PNPLA1: variants seen among roughly 807,000 people sequenced by gnomAD.
The protein encoded by PNPLA1 is omega-hydroxyceramide transacylase.
Under a neutral mutation model 51.7 loss-of-function variants are expected in PNPLA1, and 36 were observed. That is an observed-to-expected ratio of 0.70 (90% CI 0.53 to 0.92). PNPLA1 has a LOEUF of 0.92. Ranked by LOEUF, PNPLA1 falls within the 40% of genes least tolerant of loss-of-function variation. PNPLA1 has a pLI of 0.00. For synonymous variants in PNPLA1, 293 were observed against 280.1 expected (o/e 1.05, Z -0.46); for missense variants, 658 against 682.5 (o/e 0.96, Z 0.40).
At chr6:36,259,080 A>G (rs148650107) in intron 1 of PNPLA1, among the ~76,000 whole-genome samples, 2,052 of 152,214 alleles carry the variant, frequency 0.013, 41 homozygotes, top group African/African-American at 0.045. Context: ...TGTGTTGTGA[A>G]CCACAGCAAT....
chr6:36,252,367 C>G (rs1336397407), intron 1 of PNPLA1, among the ~76,000 whole-genome samples: 1 of 152,100 alleles, frequency 6.6e-6, no homozygotes, highest in East Asian at 1.9e-4. Context: ...CTAACAGAGA[C>G]AGCATGGATT....
rs536498756 is a variant in PNPLA1 at position 36,312,396 on chromosome 6, C to A, written c.*510C>A. Among the ~76,000 whole-genome samples, 1 of 152,202 alleles carries A rather than the reference C, an allele frequency of 6.6e-6. No individual in the cohort carries two copies. The highest frequency in any genetic ancestry group is 1.9e-4 in the East Asian group (1 of 5,198). On this transcript the variant is annotated 3_prime_UTR_variant, in exon 9 of 9. Transcript: ENST00000636260. ...AAAGACCCCTGTGTAATGAAATGAA[C>A]CCCCTAACTGGCTTTTGGTGTAGCT...
At chr6:36,274,921 A>G (rs187996456) in intron 1 of PNPLA1, among the ~76,000 whole-genome samples, 1 of 152,046 alleles carries the variant, frequency 6.6e-6, no homozygotes, top group Admixed American at 6.5e-5. Context: ...TGTTCTTTAT[A>G]TATTCTGTAC....
At chr6:36,271,996 G>A (rs1024774805) in intron 1 of PNPLA1, among the ~76,000 whole-genome samples, 2 of 152,174 alleles carry the variant, frequency 1.3e-5, no homozygotes, top group African/African-American at 2.4e-5. Context: ...TTACAGCAGC[G>A]GTCTCCAGTT....
Position 36,270,401 on chromosome 6 carries a change from C to A in PNPLA1, c.-59C>A. 1.3e-6 allele frequency: 2 copies of A among 1,520,832 alleles called. No homozygotes were observed. Among genetic ancestry groups the A allele is most frequent in the Non-Finnish European group, 8.9e-7 (1 of 1,121,452 alleles). The allele number at this position is 1,520,832 out of a possible 1,614,324, so 94.2% of individuals were successfully genotyped here. A position where few individuals can be genotyped will look rare whatever the true frequency, so the allele number is the denominator to read the frequency against. On this transcript the variant is annotated 5_prime_UTR_variant, in exon 1 of 9. Transcript: ENST00000636260. ...CCTACAGGGAGCGGCAGCCCAGGCT[C>A]GGGCAGGCAAGTGCTGAAGGGTGGC...
At chr6:36,310,343 G>T (rs144177669) in intron 8 of PNPLA1, among the ~76,000 whole-genome samples, 5 of 152,232 alleles carry the variant, frequency 3.3e-5, no homozygotes, top group African/African-American at 1.2e-4. Flanking sequence ...CTCCAGTAAG[G>T]GTTCCGTGGT....
chr6:36,253,072 C>T (rs1193200318), intron 1 of PNPLA1, among the ~76,000 whole-genome samples: 4 of 152,004 alleles, frequency 2.6e-5, no homozygotes, highest in South Asian at 2.1e-4. Flanking sequence ...CCCAGCTACT[C>T]GGGAGGCTGA....
At chr6:36,272,516 G>T (rs965500733) in intron 1 of PNPLA1, among the ~76,000 whole-genome samples, 13 of 152,214 alleles carry the variant, frequency 8.5e-5, no homozygotes, top group African/African-American at 3.1e-4. Context: ...AGGATTGGCT[G>T]AGCTAATATG....
chr6:36,267,842 A>C (rs1318519900), upstream of PNPLA1, among the ~76,000 whole-genome samples: 1 of 151,762 alleles, frequency 6.6e-6, no homozygotes, highest in Non-Finnish European at 1.5e-5. Context: ...TCTTAAAGTA[A>C]AATCATCCTC....
intron 5 of PNPLA1, among the ~76,000 whole-genome samples, chr6:36,301,114 G>GCCCCCCCCCCCCCCCCCCC (rs71540149): frequency 1.0e-5 from 1 of 99,922 alleles, no homozygotes; most frequent in Non-Finnish European, 1.9e-5. Context: ...CCATCCCCCC[G>GCCCCCCCCCCCCCCCCCCC]CCCCCCCACC....
intron 1 of PNPLA1, among the ~76,000 whole-genome samples, chr6:36,259,744 G>C (rs1346916755): frequency 6.6e-6 from 1 of 152,134 alleles, no homozygotes; most frequent in Admixed American, 6.6e-5. Context: ...CAGAAAACCA[G>C]ATACCGCATG....
intron 1 of PNPLA1, among the ~76,000 whole-genome samples, chr6:36,273,773 A>AT (rs1289129393): frequency 5.4e-5 from 8 of 149,102 alleles, no homozygotes; most frequent in South Asian, 4.3e-4. Context: ...GAAAGAAAAG[A>AT]TTTTTCAGAC....
At chr6:36,307,541 C>G in intron 7 of PNPLA1, 46 bp from the exon 8 acceptor site, 2 of 1,597,950 alleles carry the variant, frequency 1.3e-6, no homozygotes, top group Non-Finnish European at 1.7e-6. Flanking sequence ...GTTGGAGGAC[C>G]GAGGTCAGGC....
intron 1 of PNPLA1, among the ~76,000 whole-genome samples, chr6:36,248,826 C>T (rs993159756): frequency 6.6e-6 from 1 of 152,100 alleles, no homozygotes; most frequent in Non-Finnish European, 1.5e-5. Flanking sequence ...GCCAACTTTT[C>T]AATTTAAGCA....
At chr6:36,267,551 G>A (rs982314129), upstream of PNPLA1, among the ~76,000 whole-genome samples, 1 of 152,168 alleles carries the variant, frequency 6.6e-6, no homozygotes, top group African/African-American at 2.4e-5. Context: ...GACAACGGGG[G>A]CCATGTCAGG....
intron 8 of PNPLA1, among the ~76,000 whole-genome samples, chr6:36,309,184 T>C (rs1187174221): frequency 2.0e-5 from 3 of 152,100 alleles, no homozygotes; most frequent in African/African-American, 4.8e-5. Context: ...GGAAGCAGTA[T>C]GGTAGCGGAG....
intron 1 of PNPLA1, among the ~76,000 whole-genome samples, chr6:36,283,123 A>G (rs1428891093): frequency 1.3e-5 from 2 of 152,192 alleles, no homozygotes; most frequent in African/African-American, 4.8e-5. Flanking sequence ...TTACATAACC[A>G]TGGTCCATTT....
intron 6 of PNPLA1, among the ~76,000 whole-genome samples, chr6:36,303,307 A>G (rs906724429): frequency 6.6e-6 from 1 of 152,104 alleles, no homozygotes; most frequent in African/African-American, 2.4e-5. Flanking sequence ...GTTAGCCAGG[A>G]TGGTCTCAAT....
chr6:36,302,386 C>A lies in PNPLA1; in HGVS notation c.1301C>A (p.Ala434Glu), dbSNP rs760530088. 40 of 1,596,432 alleles carry A rather than the reference C, an allele frequency of 2.5e-5. No individual in the cohort carries two copies. The Admixed American group carries it at 5.6e-4, about 22-fold the overall frequency. Residue 434 changes from alanine (A) to glutamate (E), a missense_variant, in exon 6 of 9, where the codon GCA becomes GAA. By Grantham distance (107) the Ala-to-Glu change is moderately radical. Transcript: ENST00000636260. Reference sequence around the variant, plus strand: ...TCCCTGGGGCCTTCAACTGTGGGGGCACCTCAAACACTGCCCCGAAGTTCT... The same window carrying A: ...TCCCTGGGGCCTTCAACTGTGGGGGAACCTCAAACACTGCCCCGAAGTTCT... ...RPSLGPSTVG[A>E]PQTLPRSSLS...
Sources: allele counts gnomAD v4.1 joint callset (sites outside exome capture counted in the v4.1 genomes callset), GRCh38; gene constraint gnomAD v4.1.1; transcripts MANE v1.5; gene names NCBI Gene and HGNC (gene_info 2026-07-23, HGNC 2026-07-21).